Variants in ATXN7L1 observed in about 807,000 individuals in gnomAD.
The protein encoded by ATXN7L1 is ataxin-7-like protein 1.
A neutral mutation model predicts 70.8 loss-of-function variants in ATXN7L1; 15 were observed. The observed-to-expected ratio is 0.21, with a 90% CI of 0.14 to 0.33. ATXN7L1 has a LOEUF of 0.33. ATXN7L1 is among the 10% of genes least tolerant of loss of function. The pLI is 1.00. For missense variants in ATXN7L1, 975 were observed against 1,097.1 expected, an observed-to-expected ratio of 0.89 and a Z score of 1.57; for synonymous variants, 440 against 445.1, an observed-to-expected ratio of 0.99 and a Z score of 0.14.
At position 105,847,688 on chromosome 7, in the gene ATXN7L1, T is replaced by C. The variant is rs372293441; in HGVS notation, c.250+28124A>G. On this transcript the variant is annotated intron_variant, in intron 2 of 11. Transcript: ENST00000419735. ...CTGCCACTTATTAGCTGTGTGATCT[T>C]AAAAGAGCTTCTTAATTTTTCTCTG... Among the ~76,000 whole-genome samples, 5 of 152,338 alleles carry C rather than the reference T, an allele frequency of 3.3e-5. No homozygotes were observed. The East Asian group carries it at 7.7e-4, about 24-fold the overall frequency.
Position 105,667,571 on chromosome 7 carries a change from C to A in ATXN7L1, c.356-2283G>T, listed in dbSNP as rs1047876094. On this transcript the variant is annotated intron_variant, in intron 3 of 11. Transcript: ENST00000419735. ...AAAATTAGCCGGGCGTAGTGGCGGG[C>A]GCCTGTAGTCCCAGCTACTTGGGAG... Among the ~76,000 whole-genome samples the A allele has an allele frequency of 1.9e-4, 25 of 133,072 alleles. 2 individuals are homozygous for A. The highest frequency in any genetic ancestry group is 6.5e-4 in the African/African-American group (25 of 38,710). 87.3% of individuals were successfully genotyped at this position (133,072 alleles called of 152,430 possible). A position where few individuals can be genotyped will look rare whatever the true frequency, so the allele number is the denominator to read the frequency against.
intron 3 of ATXN7L1, among the ~76,000 whole-genome samples, chr7:105,685,091 G>GT (rs1397361531): frequency 7.3e-6 from 1 of 137,190 alleles, no homozygotes; most frequent in Non-Finnish European, 1.6e-5. Flanking sequence ...ATAATAAATG[G>GT]TTTTCCAATT....
chr7:105,751,880 A>C (rs1270312143), intron 3 of ATXN7L1, among the ~76,000 whole-genome samples: 1 of 152,190 alleles, frequency 6.6e-6, no homozygotes, highest in African/African-American at 2.4e-5. Flanking sequence ...AATCACTGGA[A>C]TCTCTTTCTT....
At chr7:105,621,796 C>T (rs1794974418) in intron 8 of ATXN7L1, among the ~76,000 whole-genome samples, 1 of 152,202 alleles carries the variant, frequency 6.6e-6, no homozygotes. Context: ...GCTGGATTGG[C>T]ACTCATTCCA....
In ATXN7L1 at chr7:105,607,504, C is replaced by T; in HGVS notation, c.*348G>A. 1 of 278,152 alleles carries T rather than the reference C, an allele frequency of 3.6e-6. No homozygotes were observed. Among genetic ancestry groups the T allele is most frequent in the Non-Finnish European group, 6.8e-6 (1 of 146,696 alleles). The allele number at this position is 278,152 out of a possible 1,614,324, so 17.2% of individuals were successfully genotyped here. ...AGCATGCCAACCTGGAACCAACATTCTGCAATGTCTGCTCTCATGGCTGGA... is the reference window on the plus strand; with the variant it reads ...AGCATGCCAACCTGGAACCAACATTTTGCAATGTCTGCTCTCATGGCTGGA... On this transcript the variant is annotated 3_prime_UTR_variant, in exon 12 of 12. Coordinates refer to ENST00000419735, the MANE Select transcript of ATXN7L1 (RefSeq NM_020725.2).
intron 2 of ATXN7L1, among the ~76,000 whole-genome samples, chr7:105,813,988 C>T (rs1006716224): frequency 1.4e-4 from 21 of 152,168 alleles, no homozygotes; most frequent in African/African-American, 4.8e-4. Context: ...GCCCCTCTAG[C>T]CTCAATCCTT....
At chr7:105,824,973 T>C (rs1383440359) in intron 2 of ATXN7L1, among the ~76,000 whole-genome samples, 4 of 150,040 alleles carry the variant, frequency 2.7e-5, no homozygotes, top group Non-Finnish European at 5.9e-5. Flanking sequence ...CCATGGCATA[T>C]TATTAAGTAA....
chr7:105,786,241 C>T (rs537554870), intron 3 of ATXN7L1, among the ~76,000 whole-genome samples: 1 of 152,190 alleles, frequency 6.6e-6, no homozygotes, highest in Admixed American at 6.5e-5. Flanking sequence ...CCCAAACCCC[C>T]AAACTAATTT....
intron 2 of ATXN7L1, among the ~76,000 whole-genome samples, chr7:105,806,527 T>A (rs1286723997): frequency 1.3e-5 from 2 of 152,122 alleles, no homozygotes; most frequent in Non-Finnish European, 2.9e-5. Flanking sequence ...GAGAAACTGA[T>A]CTGCAGTCCA....
intron 2 of ATXN7L1, among the ~76,000 whole-genome samples, chr7:105,802,229 G>A (rs1806926907): frequency 1.3e-5 from 2 of 152,114 alleles, no homozygotes; most frequent in African/African-American, 2.4e-5. Flanking sequence ...AAAGCAACCT[G>A]TTCTCCCGAG....
intron 2 of ATXN7L1, among the ~76,000 whole-genome samples, chr7:105,860,320 A>G (rs1248759629): frequency 6.6e-6 from 1 of 151,956 alleles, no homozygotes; most frequent in Admixed American, 6.6e-5. Context: ...CTGAATATTA[A>G]ATGAAAAACT....
intron 2 of ATXN7L1, among the ~76,000 whole-genome samples, chr7:105,830,520 T>A (rs1229346897): frequency 6.6e-6 from 1 of 152,190 alleles, no homozygotes; most frequent in East Asian, 1.9e-4. Context: ...ATACCTAACG[T>A]GTGATTTGGC....
intron 3 of ATXN7L1, among the ~76,000 whole-genome samples, chr7:105,764,712 G>T (rs2116421992): frequency 6.6e-6 from 1 of 152,242 alleles, no homozygotes; most frequent in East Asian, 1.9e-4. Context: ...TGAAAAGAAT[G>T]CAGGAATCTG....
rs1478947885 is a variant in ATXN7L1 at position 105,793,981 on chromosome 7, CATCCATCCACCT to C, written c.251-5285_251-5274del. The stretch of plus-strand genomic sequence containing the variant: ...TTTCCATCCACCCACCCACCCCACC[CATCCATCCACCT>C]ATCCATCCACCCATCCATCCATCCA... On this transcript the variant is annotated intron_variant, in intron 2 of 11. Transcript: ENST00000419735. 2.7e-5 allele frequency among the ~76,000 whole-genome samples: 4 copies of C among 150,162 alleles called. No individual in the cohort carries two copies. In the East Asian group the frequency reaches 7.9e-4, roughly 30 times the overall value.
rs528656101 is a variant in ATXN7L1, at chr7:105,679,700, C to G, written c.356-14412G>C. ...TACCAAAACAATGGTTCACAAAGGCCACACGTTATATGAAATGTCCAGAAT... is the reference window on the plus strand; with the variant it reads ...TACCAAAACAATGGTTCACAAAGGCGACACGTTATATGAAATGTCCAGAAT... On this transcript the variant is annotated intron_variant, in intron 3 of 11. Coordinates refer to ENST00000419735, the MANE Select transcript of ATXN7L1 (RefSeq NM_020725.2). Among the ~76,000 whole-genome samples, 9 of 152,050 alleles carry G rather than the reference C, an allele frequency of 5.9e-5. No individual in the cohort carries two copies. The East Asian group carries it at 1.7e-3, about 29-fold the overall frequency.
chr7:105,872,116 C>A (rs1818359682), intron 2 of ATXN7L1, among the ~76,000 whole-genome samples: 1 of 152,096 alleles, frequency 6.6e-6, no homozygotes, highest in African/African-American at 2.4e-5. Flanking sequence ...CCTCAGCCTC[C>A]CAAGTAGCTG....
Position 105,614,576 on chromosome 7 carries a change from A to G in ATXN7L1, c.1758T>C (p.His586=), listed in dbSNP as rs1793581139. ...CCATGATGCTGAGGGTTGCGGCCAC[A>G]TGAGGGAAAGCTGTGGTGTGGGACA... is the stretch of plus-strand genomic sequence containing the variant. The part of the protein sequence containing the change: ...ALMSHTTAFP[H]VAATLSIMDS... The change falls in exon 10 of 12, where the codon CAT becomes CAC. Residue 586 remains histidine, a synonymous_variant. Coordinates refer to ENST00000419735, the MANE Select transcript of ATXN7L1 (RefSeq NM_020725.2). The surrounding 1 kb of genome is among the most constrained non-coding windows in gnomAD (Gnocchi z 4.3). 6.4e-7 allele frequency: 1 copy of G among 1,550,994 alleles called. No homozygotes were observed. Among genetic ancestry groups the G allele is most frequent in the Non-Finnish European group, 8.7e-7 (1 of 1,146,298 alleles).
intron 3 of ATXN7L1, among the ~76,000 whole-genome samples, chr7:105,731,803 G>GAAAAGAAAAGAAAAGAAAAGAAAAC (rs1172072585): frequency 2.8e-5 from 4 of 144,858 alleles, no homozygotes; most frequent in Non-Finnish European, 4.7e-5. Flanking sequence ...GAAAAGAAAA[G>GAAAAGAAAAGAAAAGAAAAGAAAAC]AAAACCCAGC....
intron 3 of ATXN7L1, among the ~76,000 whole-genome samples, chr7:105,781,339 T>C (rs573497071): frequency 1.3e-5 from 2 of 152,368 alleles, no homozygotes; most frequent in South Asian, 2.1e-4. Flanking sequence ...TGGATCTACC[T>C]ATTATTTTTT....
Sources: gnomAD v4.1 joint callset for allele counts (sites outside exome capture counted in the v4.1 genomes callset) on GRCh38, gnomAD v4.1.1 for gene constraint, Gnocchi (gnomAD v3.1) non-coding constraint, MANE v1.5 for transcripts, NCBI Gene and HGNC (gene_info 2026-07-23, HGNC 2026-07-21) for gene names.